FER1L6: variants seen among roughly 807,000 people sequenced by gnomAD.
FER1L6 encodes fer-1-like protein 6.
FER1L6 carries 177 observed loss-of-function variants against 219.2 expected under a neutral mutation model. That is an observed-to-expected ratio of 0.81 (90% CI 0.71 to 0.91). The LOEUF (loss-of-function observed/expected upper bound fraction) is 0.91, where lower values mean the gene tolerates loss of function less well. Ranked by LOEUF, FER1L6 falls within the 40% of genes least tolerant of loss-of-function variation. The pLI is 0.00. For synonymous variants in FER1L6, 768 were observed against 824.3 expected (o/e 0.93, Z 1.17); for missense variants, 2,153 against 2,259.9 (o/e 0.95, Z 0.96).
At chr8:124,079,454 A>G (rs1220830012) in intron 32 of FER1L6, among the ~76,000 whole-genome samples, 2 of 62,398 alleles carry the variant, frequency 3.2e-5, no homozygotes, top group Non-Finnish European at 8.5e-5. Flanking sequence ...GTGGATGTTA[A>G]TTACATCTAA....
chr8:123,886,020 C>A (rs536190676), intron 1 of FER1L6, among the ~76,000 whole-genome samples: 7 of 152,342 alleles, frequency 4.6e-5, no homozygotes, highest in African/African-American at 1.7e-4. Context: ...CATGAGTAAA[C>A]TGTGTCTTCC....
rs1453217531 is a variant in FER1L6, at chr8:123,975,360, C to T, written c.683+54C>T. Reference sequence around the variant, plus strand: ...TAGAAATGATATGTCCAATTTTAATCTCTTTCCCCTCCCTCACCACTTTTC... The same window carrying T: ...TAGAAATGATATGTCCAATTTTAATTTCTTTCCCCTCCCTCACCACTTTTC... On this transcript the variant is annotated intron_variant, in intron 8 of 40. Coordinates refer to ENST00000522917, the MANE Select transcript of FER1L6 (RefSeq NM_001039112.2). 11 of 1,470,608 alleles carry T rather than the reference C, an allele frequency of 7.5e-6. No homozygotes were observed. The Admixed American group carries it at 8.0e-5, about 11-fold the overall frequency. 91.1% of individuals were successfully genotyped at this position (1,470,608 alleles called of 1,614,324 possible).
intron 39 of FER1L6, among the ~76,000 whole-genome samples, chr8:124,110,164 CTAAA>C (rs570707814): frequency 7.0e-4 from 106 of 152,314 alleles, no homozygotes; most frequent in East Asian, 4.0e-3. Context: ...GATGGTAGCT[CTAAA>C]TAAATAGCCT....
chr8:123,910,263 T>C (rs552384095), intron 1 of FER1L6, among the ~76,000 whole-genome samples: 16 of 152,344 alleles, frequency 1.1e-4, no homozygotes, highest in African/African-American at 3.8e-4. Flanking sequence ...GAGCTGGAGA[T>C]ATTCTCCTGT....
chr8:124,119,058 A>T, intron 40 of FER1L6, 114 bp downstream of exon 40: 1 of 831,554 alleles, frequency 1.2e-6, no homozygotes, highest in Non-Finnish European at 1.9e-6. Flanking sequence ...CTGGGAAGCC[A>T]GGAGGCAGTC....
At chr8:124,060,351 A>T in intron 23 of FER1L6, 61 bp downstream of exon 23, 4 of 1,529,470 alleles carry the variant, frequency 2.6e-6, no homozygotes, top group South Asian at 1.1e-5. Context: ...GCCCCACCTG[A>T]ATTGTAGGAG....
chr8:124,042,177 T>C lies in FER1L6; in HGVS notation c.2589+2171T>C, dbSNP rs183326864. 3.9e-5 allele frequency among the ~76,000 whole-genome samples: 6 copies of C among 152,350 alleles called. No homozygotes were observed. In the East Asian group the frequency reaches 1.2e-3, roughly 29 times the overall value. The stretch of plus-strand genomic sequence containing the variant: ...TCTGCTGTGTAATTATCCTTGTATT[T>C]TGTATCTCCATACAGCATCTTCATT... On this transcript the variant is annotated intron_variant, in intron 20 of 40. Coordinates refer to ENST00000522917, the MANE Select transcript of FER1L6 (RefSeq NM_001039112.2).
At chr8:123,869,360 A>G (rs976753893) in intron 1 of FER1L6, among the ~76,000 whole-genome samples, 10 of 152,116 alleles carry the variant, frequency 6.6e-5, no homozygotes, top group Non-Finnish European at 8.8e-5. Context: ...CTGTATCTGT[A>G]TATCCAAATG....
chr8:124,116,359 A>G (rs1182052247), intron 39 of FER1L6, among the ~76,000 whole-genome samples: 1 of 151,940 alleles, frequency 6.6e-6, no homozygotes, highest in Non-Finnish European at 1.5e-5. Flanking sequence ...AAGGGTATGC[A>G]TGAAACACCA....
rs1214972404 is a variant in FER1L6 at position 123,980,522 on chromosome 8, A to G, written c.1121A>G (p.His374Arg). The change falls in exon 11 of 41, where the codon CAC becomes CGC. Residue 374 changes from histidine (H) to arginine (R), a missense_variant. His to Arg is a conservative substitution (Grantham distance 29, BLOSUM62 0). Transcript: ENST00000522917. ...AACCTGTATGGCTCGCCCAGGAACC[A>G]CAGTCTGATGGATGACTACCAGGAA... The part of the protein sequence containing the change: ...WINLYGSPRN[H>R]SLMDDYQEMN... 1.9e-6 allele frequency: 3 copies of G among 1,614,128 alleles called. No homozygotes were observed. In the African/African-American group the frequency reaches 4.0e-5, roughly 22 times the overall value.
At position 124,071,649 on chromosome 8, in the gene FER1L6, GCT is replaced by G; in HGVS notation, c.4092+21_4092+22del. Reference sequence around the variant, plus strand: ...TTGTCGCGGTGAGCCATTCTTGTTTGCTCTGAGGGGGTGTATTTATCTGCTCA... The same window carrying G: ...TTGTCGCGGTGAGCCATTCTTGTTTGCTGAGGGGGTGTATTTATCTGCTCA... On this transcript the variant is annotated intron_variant, in intron 31 of 40. Coordinates refer to ENST00000522917, the MANE Select transcript of FER1L6 (RefSeq NM_001039112.2). 6.2e-7 allele frequency: 1 copy of G among 1,606,224 alleles called. No individual in the cohort carries two copies. Among genetic ancestry groups the G allele is most frequent in the East Asian group, 2.2e-5 (1 of 44,712 alleles).
chr8:124,046,815 CT>C (rs1267601079), intron 21 of FER1L6: 1 of 152,226 alleles, frequency 6.6e-6, no homozygotes, highest in Non-Finnish European at 1.5e-5. Context: ...CAAATACCTT[CT>C]TTAAAGCCAT....
At chr8:124,092,552 A>T (rs982509482) in intron 34 of FER1L6, among the ~76,000 whole-genome samples, 1 of 152,196 alleles carries the variant, frequency 6.6e-6, no homozygotes, top group African/African-American at 2.4e-5. Context: ...CCATACATTT[A>T]GGGTGAGGGG....
At position 124,013,473 on chromosome 8, in the gene FER1L6, C is replaced by T; in HGVS notation, c.1864C>T (p.Gln622Ter). Residue 622 changes from glutamine to a stop codon, truncating the protein, a stop_gained, in exon 15 of 41, where the codon CAG becomes TAG. Transcript: ENST00000522917. LOFTEE classifies it high-confidence loss of function. ...EEVRELIKIS[Q>*]EAPEEKMKTV... is the part of the protein sequence containing the mutation. The stretch of plus-strand genomic sequence containing the variant: ...AGTGAGAGAATTGATCAAGATTTCA[C>T]AGGAGGCACCTGAAGAGAAAATGAA... The T allele has an allele frequency of 6.2e-7, 1 of 1,610,204 alleles. No individual in the cohort carries two copies. The highest frequency in any genetic ancestry group is 8.5e-7 in the Non-Finnish European group (1 of 1,178,934).
At chr8:123,965,881 C>A (rs1815512199) in intron 3 of FER1L6, 126 bp from the exon 4 acceptor site, 1 of 872,766 alleles carries the variant, frequency 1.1e-6, no homozygotes, top group Admixed American at 2.5e-5. Flanking sequence ...TTATCTCCCC[C>A]AGAGATGTAG....
At chr8:123,860,070 A>G (rs62521463) in intron 1 of FER1L6, among the ~76,000 whole-genome samples, 2 of 138,250 alleles carry the variant, frequency 1.4e-5, no homozygotes, top group South Asian at 2.3e-4. Flanking sequence ...ATGCTGGTGC[A>G]CTGCACCCAC....
intron 21 of FER1L6, chr8:124,047,787 C>T (rs1563764707): frequency 6.6e-6 from 1 of 152,228 alleles, no homozygotes; most frequent in Non-Finnish European, 1.5e-5. Flanking sequence ...AACTTTTGTT[C>T]ACCCTTGTGC....
chr8:124,010,958 T>C (rs149167365), intron 14 of FER1L6, among the ~76,000 whole-genome samples: 3 of 152,308 alleles, frequency 2.0e-5, no homozygotes, highest in African/African-American at 7.2e-5. Flanking sequence ...CTGGCTGTTA[T>C]AGGATCTAGG....
At chr8:123,910,425 G>A (rs4870875) in intron 1 of FER1L6, among the ~76,000 whole-genome samples, 39,738 of 152,030 alleles carry the variant, frequency 0.26, 5,476 homozygotes, top group East Asian at 0.44. Context: ...GACCTTTTTC[G>A]TTCAGCATTG....
Sources: gnomAD v4.1 joint callset for allele counts (sites outside exome capture counted in the v4.1 genomes callset) on GRCh38, gnomAD v4.1.1 for gene constraint, MANE v1.5 for transcripts, NCBI Gene and HGNC (gene_info 2026-07-23, HGNC 2026-07-21) for gene names.